The following SLC1A2 variants were observed in gnomAD, a reference collection of about 807,000 sequenced individuals.
SLC1A2 encodes excitatory amino acid transporter 2.
In SLC1A2, 15 loss-of-function variants were observed where a neutral mutation model predicts 48.8. That is an observed-to-expected ratio of 0.31 (90% CI 0.21 to 0.47). The LOEUF (loss-of-function observed/expected upper bound fraction) is 0.47, where lower values mean the gene tolerates loss of function less well. SLC1A2 is among the 20% of genes least tolerant of loss of function. The pLI is 0.99. For missense variants in SLC1A2, 502 were observed against 730.5 expected, an observed-to-expected ratio of 0.69 and a Z score of 3.61; for synonymous variants, 279 against 272.6, an observed-to-expected ratio of 1.02 and a Z score of -0.23.
intron 8 of SLC1A2, among the ~76,000 whole-genome samples, chr11:35,285,062 A>C (rs1477990245): frequency 6.6e-6 from 1 of 152,350 alleles, no homozygotes; most frequent in South Asian, 2.1e-4. Context: ...TTGAAGTGGG[A>C]GAAAGAGGCT....
rs778155484 is a variant in SLC1A2, at chr11:35,317,484, C to T, written c.50G>A (p.Arg17Gln). Residue 17 changes from arginine to glutamine, a missense_variant, in exon 2 of 11, where the codon CGA (arginine) becomes CAA (glutamine). Transcript: ENST00000278379. ...ANNMPKQVEVRMHDSHLGSEE... is the reference protein window; with the variant it reads ...ANNMPKQVEVQMHDSHLGSEE... ...TGAGCCAAGATGACTGTCGTGCATT[C>T]GCACTTCCACCTGCTTGGGCATATT... is the stretch of plus-strand genomic sequence containing the variant. 58 of 1,613,944 alleles carry T rather than the reference C, an allele frequency of 3.6e-5. No individual in the cohort carries two copies. The East Asian group carries it at 7.4e-4, about 20-fold the overall frequency.
intron 1 of SLC1A2, among the ~76,000 whole-genome samples, chr11:35,354,010 T>G (rs559630252): frequency 7.9e-5 from 12 of 152,296 alleles, no homozygotes; most frequent in African/African-American, 2.6e-4. Context: ...TCCTGGCAAC[T>G]ACTGAGAAAA....
At chr11:35,271,092 T>G (rs934300768) in intron 9 of SLC1A2, among the ~76,000 whole-genome samples, 1 of 152,176 alleles carries the variant, frequency 6.6e-6, no homozygotes, top group Non-Finnish European at 1.5e-5. Flanking sequence ...GAAGACTGAT[T>G]GGTTATAGGG....
chr11:35,374,224 G>T, intron 1 of SLC1A2: 2 of 639,386 alleles, frequency 3.1e-6, no homozygotes, highest in Non-Finnish European at 2.6e-6. Flanking sequence ...GGCTTTGAAT[G>T]ATTTATAGCT....
chr11:35,281,072 A>G, intron 8 of SLC1A2, 71 bp from the exon 9 acceptor site: 1 of 1,454,102 alleles, frequency 6.9e-7, no homozygotes, highest in Non-Finnish European at 9.1e-7. Flanking sequence ...GGCAATTTTA[A>G]GCTCTAATTT....
intron 1 of SLC1A2, among the ~76,000 whole-genome samples, chr11:35,414,495 G>A (rs560084078): frequency 1.5e-4 from 23 of 152,220 alleles, no homozygotes; most frequent in African/African-American, 2.2e-4. Flanking sequence ...TAATTAATTC[G>A]TTCCAAGGAG....
At chr11:35,261,510 T>C (rs539941004) in intron 10 of SLC1A2, among the ~76,000 whole-genome samples, 1 of 152,360 alleles carries the variant, frequency 6.6e-6, no homozygotes, top group Non-Finnish European at 1.5e-5. Context: ...AGTCTGAGAT[T>C]GGTGACAATG....
At chr11:35,303,900 G>A (rs1216928940) in intron 5 of SLC1A2, among the ~76,000 whole-genome samples, 30 of 152,040 alleles carry the variant, frequency 2.0e-4, no homozygotes, top group Non-Finnish European at 5.9e-5. Context: ...AAAACAGAAA[G>A]ACAGCAAAAC....
intron 5 of SLC1A2, among the ~76,000 whole-genome samples, chr11:35,305,050 C>T (rs1261758539): frequency 6.6e-6 from 1 of 152,168 alleles, no homozygotes; most frequent in African/African-American, 2.4e-5. Context: ...AATAAACATA[C>T]TTCATCCATC....
rs183780895 is a variant in SLC1A2, at chr11:35,349,814, C to G, written c.18-32298G>C. ...GAGCGGGGAACACACAGTCTTTGGGCTCAGGGGGCTTACAGTTTAGTAATT... is the reference window on the plus strand; with the variant it reads ...GAGCGGGGAACACACAGTCTTTGGGGTCAGGGGGCTTACAGTTTAGTAATT... On this transcript the variant is annotated intron_variant, in intron 1 of 10. Coordinates refer to ENST00000278379, the MANE Select transcript of SLC1A2 (RefSeq NM_004171.4). 2.0e-3 allele frequency among the ~76,000 whole-genome samples: 304 copies of G among 152,238 alleles called. 1 individual carries two copies. The highest frequency in any genetic ancestry group is 3.1e-3 in the Non-Finnish European group (211 of 68,018).
At chr11:35,362,374 G>A (rs1853712959) in intron 1 of SLC1A2, among the ~76,000 whole-genome samples, 1 of 152,190 alleles carries the variant, frequency 6.6e-6, no homozygotes, top group African/African-American at 2.4e-5. Context: ...GTTCCTAATA[G>A]CAGCCATAGA....
chr11:35,315,218 C>T (rs763597332), intron 2 of SLC1A2, 43 bp from the exon 3 acceptor site: 72 of 1,504,546 alleles, frequency 4.8e-5, no homozygotes, highest in Middle Eastern at 2.1e-4. Flanking sequence ...TTTTTGCCTT[C>T]GTCAAATGAC....
chr11:35,340,928 T>A (rs1852817103), intron 1 of SLC1A2, among the ~76,000 whole-genome samples: 1 of 152,168 alleles, frequency 6.6e-6, no homozygotes, highest in Non-Finnish European at 1.5e-5. Flanking sequence ...GGAAATTATG[T>A]AAGCATAATC....
intron 1 of SLC1A2, among the ~76,000 whole-genome samples, chr11:35,346,430 C>T (rs1488827384): frequency 6.6e-6 from 1 of 152,224 alleles, no homozygotes; most frequent in African/African-American, 2.4e-5. Context: ...GGGAAAGAAG[C>T]TGCCTTTCAC....
chr11:35,382,885 G>A (rs547194385), intron 1 of SLC1A2, among the ~76,000 whole-genome samples: 1 of 152,040 alleles, frequency 6.6e-6, no homozygotes, highest in Non-Finnish European at 1.5e-5. Context: ...AGCTCTCTAG[G>A]AGTGAAAAAA....
intron 1 of SLC1A2, among the ~76,000 whole-genome samples, chr11:35,405,106 T>C (rs1208062868): frequency 2.1e-5 from 3 of 142,032 alleles, no homozygotes; most frequent in East Asian, 4.2e-4. Context: ...ATGCCAGCCA[T>C]GGTTTTTCTT....
chr11:35,373,758 T>A (rs749613961), intron 1 of SLC1A2, among the ~76,000 whole-genome samples: 4 of 152,172 alleles, frequency 2.6e-5, no homozygotes, highest in Non-Finnish European at 5.9e-5. Flanking sequence ...TACAGAGCAC[T>A]GGGTCAATGA....
chr11:35,265,648 T>C lies in SLC1A2; in HGVS notation c.1532A>G (p.His511Arg). ...AGTCTTGGTCATTTCAATATCTTCATGCACTCGATGCTGGGAGTCAATGGT... is the reference window on the plus strand; with the variant it reads ...AGTCTTGGTCATTTCAATATCTTCACGCACTCGATGCTGGGAGTCAATGGT... ...LDTIDSQHRV[H>R]EDIEMTKTQS... Residue 511 changes from histidine (H) to arginine (R), a missense_variant, in exon 10 of 11, where the codon CAT becomes CGT. His to Arg is a conservative substitution (Grantham distance 29). Transcript: ENST00000278379. 6.2e-7 allele frequency: 1 copy of C among 1,612,930 alleles called. No individual in the cohort carries two copies.
At chr11:35,341,014 G>A (rs981093020) in intron 1 of SLC1A2, among the ~76,000 whole-genome samples, 3 of 152,150 alleles carry the variant, frequency 2.0e-5, no homozygotes, top group Non-Finnish European at 4.4e-5. Context: ...TCTCCCAGAC[G>A]CCAGGAACTT....
Sources: allele counts gnomAD v4.1 joint callset (sites outside exome capture counted in the v4.1 genomes callset), GRCh38; gene constraint gnomAD v4.1.1; transcripts MANE v1.5; gene names NCBI Gene and HGNC (gene_info 2026-07-23, HGNC 2026-07-21).